Variants in PPP3CA observed in about 807,000 individuals in gnomAD.
PPP3CA encodes CAM-PRP catalytic subunit.
In PPP3CA, 14 loss-of-function variants were observed where a neutral mutation model predicts 66.5. That is an observed-to-expected ratio of 0.21 (90% CI 0.14 to 0.33). The LOEUF is 0.33. Among genes scored for constraint, PPP3CA ranks in the 10% least tolerant of loss-of-function variants. The probability of loss-of-function intolerance (pLI) is 1.00; values close to 1 mark genes in which losing one functional copy is unlikely to be tolerated. For missense variants in PPP3CA, 317 were observed against 639.5 expected, an observed-to-expected ratio of 0.50 and a Z score of 5.44; for synonymous variants, 232 against 226.2, an observed-to-expected ratio of 1.03 and a Z score of -0.23.
In PPP3CA at chr4:101,344,764, A is replaced by C. The variant is rs77783190; in HGVS notation, c.58+1975T>G. On this transcript the variant is annotated intron_variant, in intron 1 of 13. Transcript: ENST00000394854. The stretch of plus-strand genomic sequence containing the variant: ...TTACATGTTCACCTGATGACTTTAC[A>C]CCTACATTAAGAATCCACATCCTAT... 9.0e-3 allele frequency among the ~76,000 whole-genome samples: 1,374 copies of C among 152,336 alleles called. 14 individuals carry two copies. Among genetic ancestry groups the C allele is most frequent in the East Asian group, 0.025 (131 of 5,194 alleles).
chr4:101,150,073 C>A (rs1723089876), intron 2 of PPP3CA, among the ~76,000 whole-genome samples: 1 of 152,096 alleles, frequency 6.6e-6, no homozygotes, highest in South Asian at 2.1e-4. Flanking sequence ...ACACTACCCA[C>A]ACTAATATTT....
intron 1 of PPP3CA, among the ~76,000 whole-genome samples, chr4:101,333,208 G>A (rs1301316606): frequency 5.1e-5 from 7 of 137,770 alleles, no homozygotes; most frequent in Non-Finnish European, 9.2e-5. Context: ...GGGCTCAAGC[G>A]ATCCTCCCAC....
At chr4:101,305,279 A>T (rs1560708639) in intron 1 of PPP3CA, among the ~76,000 whole-genome samples, 1 of 152,246 alleles carries the variant, frequency 6.6e-6, no homozygotes, top group Non-Finnish European at 1.5e-5. Flanking sequence ...AAAGTTCACG[A>T]CTGAAAACTG....
At position 101,033,405 on chromosome 4, in the gene PPP3CA, C is replaced by T. The variant is rs75699763; in HGVS notation, c.1242-1041G>A. 5.0e-3 allele frequency among the ~76,000 whole-genome samples: 762 copies of T among 151,982 alleles called. 1 individual carries two copies. The highest frequency in any genetic ancestry group is 0.01 in the South Asian group (49 of 4,812). On this transcript the variant is annotated intron_variant, in intron 11 of 13. Coordinates refer to ENST00000394854, the MANE Select transcript of PPP3CA (RefSeq NM_000944.5). ...TGTCTCACGTGACTCAAACAGAATTCCTGAACTTCTCCCCATAACCTGCTG... is the reference window on the plus strand; with the variant it reads ...TGTCTCACGTGACTCAAACAGAATTTCTGAACTTCTCCCCATAACCTGCTG...
Position 101,273,853 on chromosome 4 carries a change from A to C in PPP3CA, c.58+72886T>G, listed in dbSNP as rs117122336. Among the ~76,000 whole-genome samples the C allele has an allele frequency of 1.0e-3, 153 of 152,340 alleles. 2 individuals are homozygous for C. The East Asian group carries it at 0.026, about 26-fold the overall frequency. ...ACGGTCAACATTGCAAATAAAAATA[A>C]AATGATGAAATAAGAAAACATCTTG... On this transcript the variant is annotated intron_variant, in intron 1 of 13. Transcript: ENST00000394854.
At chr4:101,133,854 G>A (rs1282752607) in intron 2 of PPP3CA, among the ~76,000 whole-genome samples, 1 of 152,086 alleles carries the variant, frequency 6.6e-6, no homozygotes, top group Admixed American at 6.6e-5. Context: ...TATACTACAA[G>A]GCTACAGTAA....
intron 2 of PPP3CA, among the ~76,000 whole-genome samples, chr4:101,165,340 G>A (rs1723658477): frequency 1.3e-5 from 2 of 152,086 alleles, no homozygotes; most frequent in South Asian, 4.1e-4. Context: ...ATGAAATAAT[G>A]CCATTTTTAA....
intron 8 of PPP3CA, among the ~76,000 whole-genome samples, chr4:101,066,991 T>C (rs1560585459): frequency 6.6e-6 from 1 of 152,148 alleles, no homozygotes; most frequent in African/African-American, 2.4e-5. Flanking sequence ...GCTCCTTTAT[T>C]CTACTGGCAA....
At chr4:101,148,764 G>A (rs71614685) in intron 2 of PPP3CA, among the ~76,000 whole-genome samples, 28,989 of 151,998 alleles carry the variant, frequency 0.19, 3,142 homozygotes, top group Admixed American at 0.33. Flanking sequence ...AGGAGTGTAA[G>A]GCTTTAGTGA....
chr4:101,083,716 C>T (rs1325298031), intron 6 of PPP3CA, among the ~76,000 whole-genome samples: 1 of 152,132 alleles, frequency 6.6e-6, no homozygotes, highest in Non-Finnish European at 1.5e-5. Context: ...GAAGAGAATA[C>T]ATATGCTCTC....
intron 1 of PPP3CA, among the ~76,000 whole-genome samples, chr4:101,287,490 T>C (rs954306588): frequency 6.6e-6 from 1 of 152,142 alleles, no homozygotes; most frequent in Non-Finnish European, 1.5e-5. Context: ...AAGCCTCTGA[T>C]CAAAACAGTG....
At chr4:101,333,103 CTTTTTTTTTT>C (rs66790132) in intron 1 of PPP3CA, among the ~76,000 whole-genome samples, 1 of 88,292 alleles carries the variant, frequency 1.1e-5, no homozygotes, top group Non-Finnish European at 2.2e-5. Flanking sequence ...CATCTTCTTT[CTTTTTTTTTT>C]TTTTTTTTTG....
At chr4:101,256,947 T>C (rs1726862002) in intron 1 of PPP3CA, among the ~76,000 whole-genome samples, 1 of 152,054 alleles carries the variant, frequency 6.6e-6, no homozygotes. Context: ...CTATGTGTTT[T>C]ACGCTTGAAG....
At chr4:101,273,800 G>A (rs757363135) in intron 1 of PPP3CA, among the ~76,000 whole-genome samples, 4 of 151,996 alleles carry the variant, frequency 2.6e-5, no homozygotes, top group Non-Finnish European at 5.9e-5. Context: ...GGCCAAGAGT[G>A]ACACCTCCTC....
intron 10 of PPP3CA, among the ~76,000 whole-genome samples, chr4:101,054,939 T>C (rs1728165144): frequency 6.6e-6 from 1 of 152,116 alleles, no homozygotes. Context: ...AGCCTGAAAC[T>C]ATATTTGGCT....
rs116985907 is a variant in PPP3CA at position 101,290,177 on chromosome 4, T to C, written c.58+56562A>G. On this transcript the variant is annotated intron_variant, in intron 1 of 13. Coordinates refer to ENST00000394854, the MANE Select transcript of PPP3CA (RefSeq NM_000944.5). ...AAGCAGCTAGCAAAAATCTTGAAAA[T>C]AGTAATTTCTCTAAAGGATATAACT... Among the ~76,000 whole-genome samples, 137 of 152,296 alleles carry C rather than the reference T, an allele frequency of 9.0e-4. 1 individual carries two copies. The East Asian group carries it at 0.025, about 28-fold the overall frequency.
chr4:101,292,342 G>T (rs908046856), intron 1 of PPP3CA, among the ~76,000 whole-genome samples: 1 of 152,130 alleles, frequency 6.6e-6, no homozygotes, highest in Non-Finnish European at 1.5e-5. Flanking sequence ...AGTCCTAGTT[G>T]ACTTTCATTG....
chr4:101,226,289 A>C (rs1243913518), intron 1 of PPP3CA, among the ~76,000 whole-genome samples: 1 of 151,536 alleles, frequency 6.6e-6, no homozygotes, highest in Admixed American at 6.6e-5. Flanking sequence ...TCCTTTCTCC[A>C]CCCTAGTTGT....
intron 1 of PPP3CA, among the ~76,000 whole-genome samples, chr4:101,270,476 A>G (rs927466937): frequency 1.3e-5 from 2 of 152,218 alleles, no homozygotes; most frequent in Non-Finnish European, 2.9e-5. Flanking sequence ...AAACAAAAAT[A>G]TGTTTAAAGA....
Sources: allele counts gnomAD v4.1 joint callset (sites outside exome capture counted in the v4.1 genomes callset), GRCh38; gene constraint gnomAD v4.1.1; transcripts MANE v1.5; gene names NCBI Gene and HGNC (gene_info 2026-07-23, HGNC 2026-07-21).